The following ZMYM2 variants were observed in gnomAD, a reference collection of about 807,000 sequenced individuals.
ZMYM2 encodes the protein zinc finger MYM-type containing 2.
ZMYM2 carries 56 observed loss-of-function variants against 162.8 expected under a neutral mutation model. The observed-to-expected ratio is 0.34, with a 90% CI of 0.28 to 0.43. The LOEUF is 0.43. Ranked by LOEUF, ZMYM2 falls within the 20% of genes least tolerant of loss-of-function variation. The pLI is 1.00. For missense variants in ZMYM2, 1,275 were observed against 1,621.8 expected (o/e 0.79, Z 3.67); for synonymous variants, 510 against 541.6 (o/e 0.94, Z 0.81).
At chr13:19,960,579 G>A (rs925776946) in intron 2 of ZMYM2, among the ~76,000 whole-genome samples, 4 of 152,078 alleles carry the variant, frequency 2.6e-5, no homozygotes, top group Admixed American at 1.3e-4. Flanking sequence ...GTACTATCTT[G>A]TTCACCAAGT....
At chr13:20,079,721 T>C (rs945136284) in intron 21 of ZMYM2, among the ~76,000 whole-genome samples, 1 of 152,226 alleles carries the variant, frequency 6.6e-6, no homozygotes, top group Non-Finnish European at 1.5e-5. Flanking sequence ...GAGAAACCTT[T>C]TCAGGAGGAT....
At position 20,087,840 on chromosome 13, in the gene ZMYM2, A is replaced by C. The variant is rs984790902; in HGVS notation, c.*1826A>C. 1.6e-5 allele frequency: 3 copies of C among 186,638 alleles called. No individual in the cohort carries two copies. The highest frequency in any genetic ancestry group is 7.0e-5 in the African/African-American group (3 of 42,762). The allele number at this position is 186,638 out of a possible 1,614,324, so 11.6% of individuals were successfully genotyped here. On this transcript the variant is annotated 3_prime_UTR_variant, in exon 25 of 25. Transcript: ENST00000610343. ...CAAGTGGGTAACATTTAAAATATAT[A>C]ATACAAAAATTTTCTCTAACTTACC...
At position 20,088,511 on chromosome 13, in the gene ZMYM2, T is replaced by C. The variant is rs573104836; in HGVS notation, c.*2497T>C. ...ATCCAGTGAAAAATATTTATCCACA[T>C]TGAAGAAAGTGGATTTCCCATGCAA... On this transcript the variant is annotated 3_prime_UTR_variant, in exon 25 of 25. Transcript: ENST00000610343. 30 of 199,476 alleles carry C rather than the reference T, an allele frequency of 1.5e-4. No individual in the cohort carries two copies. Among genetic ancestry groups the C allele is most frequent in the African/African-American group, 6.0e-4 (26 of 43,688 alleles). 12.4% of individuals were successfully genotyped at this position (199,476 alleles called of 1,614,324 possible). A position where few individuals can be genotyped will look rare whatever the true frequency, so the allele number is the denominator to read the frequency against.
Position 20,027,237 on chromosome 13 carries a change from C to T in ZMYM2, c.1770C>T (p.Asn590=). 2 of 1,584,236 alleles carry T rather than the reference C, an allele frequency of 1.3e-6. No homozygotes were observed. The highest frequency in any genetic ancestry group is 1.7e-6 in the Non-Finnish European group (2 of 1,163,388). ...TTATTTGCCATTTTTGTAAGCGAAA[C>T]TCTTTACCTCAATACCAAGCCACAA... is the stretch of plus-strand genomic sequence containing the variant. ...LGIICHFCKR[N]SLPQYQATMP... is the part of the protein sequence containing the mutation. The change falls in exon 9 of 25, where the codon AAC becomes AAT. Residue 590 remains asparagine (N), a synonymous_variant. Transcript: ENST00000610343.
At chr13:19,957,494 T>C (rs780997195), upstream of ZMYM2, among the ~76,000 whole-genome samples, 1 of 152,164 alleles carries the variant, frequency 6.6e-6, no homozygotes, top group African/African-American at 2.4e-5. Context: ...GCCGAAGACG[T>C]AGGTGTAGAC....
At chr13:19,924,036 C>T in the ZMYM2 span, among the ~76,000 whole-genome samples, 1 of 152,076 alleles carries the variant, frequency 6.6e-6, no homozygotes, top group Non-Finnish European at 1.5e-5. Context: ...TTAATCATCT[C>T]TCTCTCTCTC....
intron 12 of ZMYM2, 104 bp downstream of exon 12, chr13:20,037,013 C>G: frequency 9.2e-7 from 1 of 1,087,664 alleles, no homozygotes; most frequent in Non-Finnish European, 1.3e-6. Flanking sequence ...AAAATGTACA[C>G]ACTTAAGGCC....
chr13:19,915,916 G>A, the ZMYM2 span, among the ~76,000 whole-genome samples: 7 of 149,304 alleles, frequency 4.7e-5, no homozygotes, highest in African/African-American at 1.7e-4. Context: ...CTGGAGTACA[G>A]TGGCACGATC....
chr13:19,919,247 A>T, the ZMYM2 span, among the ~76,000 whole-genome samples: 6 of 151,508 alleles, frequency 4.0e-5, no homozygotes, highest in Non-Finnish European at 8.8e-5. Flanking sequence ...GTTTAACCCT[A>T]TTGAAGAAAA....
intron 2 of ZMYM2, among the ~76,000 whole-genome samples, chr13:19,984,751 T>C (rs141655843): frequency 6.6e-6 from 1 of 152,376 alleles, no homozygotes; most frequent in Non-Finnish European, 1.5e-5. Flanking sequence ...TTACAGTCTA[T>C]GATTTTAAGA....
chr13:19,949,157 C>T, the ZMYM2 span, among the ~76,000 whole-genome samples: 5 of 151,894 alleles, frequency 3.3e-5, no homozygotes, highest in African/African-American at 1.2e-4. Context: ...CGCCTCTAAT[C>T]CCAGCACTTT....
chr13:20,029,761 T>C (rs906460490), intron 9 of ZMYM2, among the ~76,000 whole-genome samples: 30 of 152,142 alleles, frequency 2.0e-4, no homozygotes, highest in Non-Finnish European at 2.9e-4. Context: ...AAAAAATCTG[T>C]CAGTGTCCAT....
chr13:20,029,635 A>AT (rs1197874947), intron 9 of ZMYM2, among the ~76,000 whole-genome samples: 1 of 152,174 alleles, frequency 6.6e-6, no homozygotes, highest in Non-Finnish European at 1.5e-5. Flanking sequence ...TGTACATTGA[A>AT]TGGCTAATTT....
At chr13:20,046,701 G>A (rs55898547) in intron 12 of ZMYM2, among the ~76,000 whole-genome samples, 1,683 of 150,352 alleles carry the variant, frequency 0.011, 24 homozygotes, top group African/African-American at 0.03. Flanking sequence ...GTGTGTGTGT[G>A]TATATATATA....
At position 20,082,815 on chromosome 13, in the gene ZMYM2, C is replaced by G; in HGVS notation, c.3603C>G (p.Leu1201=). ...TCTCTCGAGTTGAAGAAGACTATCT[C>G]TGGAGGATAAAACAACTAGGATCAC... ...SIFSRVEEDY[L]WRIKQLGSHS... The change falls in exon 23 of 25, where the codon CTC becomes CTG. Residue 1201 remains leucine (L), a synonymous_variant. Coordinates refer to ENST00000610343, the MANE Select transcript of ZMYM2 (RefSeq NM_197968.4). The G allele has an allele frequency of 6.2e-7, 1 of 1,612,442 alleles. No homozygotes were observed. Among genetic ancestry groups the G allele is most frequent in the Non-Finnish European group, 8.5e-7 (1 of 1,178,842 alleles).
At chr13:19,887,902 A>G in the ZMYM2 span, among the ~76,000 whole-genome samples, 1 of 147,444 alleles carries the variant, frequency 6.8e-6, no homozygotes, top group African/African-American at 2.5e-5. Context: ...TTTTTTTGAG[A>G]TGGAGTCTCA....
At chr13:20,015,269 G>T (rs1220541672) in intron 6 of ZMYM2, among the ~76,000 whole-genome samples, 1 of 152,034 alleles carries the variant, frequency 6.6e-6, no homozygotes, top group African/African-American at 2.4e-5. Flanking sequence ...TTTTCTAAGT[G>T]TTCCTTCTAT....
At chr13:19,999,341 T>G (rs570551891) in intron 3 of ZMYM2, among the ~76,000 whole-genome samples, 1 of 152,344 alleles carries the variant, frequency 6.6e-6, no homozygotes, top group South Asian at 2.1e-4. Context: ...TGTCTCTGTT[T>G]CACATTTTGG....
chr13:20,019,113 A>AG (rs1951863838), intron 6 of ZMYM2, among the ~76,000 whole-genome samples: 2 of 152,062 alleles, frequency 1.3e-5, no homozygotes, highest in South Asian at 2.1e-4. Flanking sequence ...CAACAAAAAA[A>AG]AACAATTTCT....
Sources: gnomAD v4.1 joint callset for allele counts (sites outside exome capture counted in the v4.1 genomes callset) on GRCh38, gnomAD v4.1.1 for gene constraint, MANE v1.5 for transcripts, NCBI Gene and HGNC (gene_info 2026-07-23, HGNC 2026-07-21) for gene names.